HPCAL1: variants seen among roughly 807,000 people sequenced by gnomAD.
HPCAL1 encodes the protein hippocalcin like 1.
In HPCAL1, 8 loss-of-function variants were observed where a neutral mutation model predicts 17.1. That is an observed-to-expected ratio of 0.47 (90% CI 0.27 to 0.84). The LOEUF (loss-of-function observed/expected upper bound fraction) is 0.84, where lower values mean the gene tolerates loss of function less well. HPCAL1 is among the 40% of genes least tolerant of loss of function. The pLI, the probability that HPCAL1 is intolerant of heterozygous loss-of-function variation, is 0.13. For missense variants in HPCAL1, 165 were observed against 271.1 expected (o/e 0.61, Z 2.75); for synonymous variants, 112 against 111.4 (o/e 1.01, Z -0.03).
intron 1 of HPCAL1, among the ~76,000 whole-genome samples, chr2:10,329,080 C>G (rs901160250): frequency 1.3e-5 from 2 of 152,152 alleles, no homozygotes; most frequent in African/African-American, 4.8e-5. Context: ...CCTCCTGCCT[C>G]GGCCTCCCAA....
In HPCAL1 at chr2:10,355,308, G is replaced by A. The variant is rs564300603; in HGVS notation, c.-110-41527G>A. 3.2e-3 allele frequency among the ~76,000 whole-genome samples: 489 copies of A among 151,172 alleles called. 4 individuals carry two copies. The highest frequency in any genetic ancestry group is 0.011 in the African/African-American group (466 of 41,210). On this transcript the variant is annotated intron_variant, in intron 1 of 4. Transcript: ENST00000307845. The stretch of plus-strand genomic sequence containing the variant: ...CTACTAAAAATACAAAAAATTAGCC[G>A]GGCGTAGTGGCGGGCGCCTGTAGTC...
Position 10,310,705 on chromosome 2 carries a change from T to G in HPCAL1, c.-111+7528T>G, listed in dbSNP as rs1662900599. Among the ~76,000 whole-genome samples the G allele has an allele frequency of 6.6e-6, 1 of 152,156 alleles. No individual in the cohort carries two copies. On this transcript the variant is annotated intron_variant, in intron 1 of 4. Coordinates refer to ENST00000307845, the MANE Select transcript of HPCAL1 (RefSeq NM_002149.4). This position sits in a 1 kb window ranked among gnomAD's most constrained non-coding sequence, Gnocchi z 4.5. ...TGGTGGTCCCCTCCCTCTGTGAGTG[T>G]GTGCAGAGCATGGATCGGGTCTGGG...
chr2:10,319,542 C>A lies in HPCAL1; in HGVS notation c.-111+16365C>A, dbSNP rs934620277. Among the ~76,000 whole-genome samples the A allele has an allele frequency of 4.8e-5, 5 of 103,196 alleles. No homozygotes were observed. In the Admixed American group the frequency reaches 7.6e-4, roughly 16 times the overall value. 67.7% of individuals were successfully genotyped at this position (103,196 alleles called of 152,430 possible). On this transcript the variant is annotated intron_variant, in intron 1 of 4. Transcript: ENST00000307845. ...CTCAAACAGCCAGCTGTGTGATCACCTTTTCAGGGGATGATAGGCTGACGG... is the reference window on the plus strand; with the variant it reads ...CTCAAACAGCCAGCTGTGTGATCACATTTTCAGGGGATGATAGGCTGACGG...
chr2:10,393,959 GA>G (rs34916252), intron 1 of HPCAL1, among the ~76,000 whole-genome samples: 20,018 of 129,726 alleles, frequency 0.15, 1,444 homozygotes, highest in Non-Finnish European at 0.17. Flanking sequence ...TACTAAAAAT[GA>G]AAAAAAAAAA....
intron 2 of HPCAL1, among the ~76,000 whole-genome samples, chr2:10,410,436 C>CTTTTTTTTTTTTTTTTTTTTTTTT (rs36002921): frequency 2.6e-5 from 2 of 77,496 alleles, no homozygotes; most frequent in African/African-American, 5.0e-5. Flanking sequence ...TCTTCTTCTT[C>CTTTTTTTTTTTTTTTTTTTTTTTT]TTTTTTTTTT....
intron 1 of HPCAL1, among the ~76,000 whole-genome samples, chr2:10,316,477 G>T (rs1663319910): frequency 6.6e-6 from 1 of 152,104 alleles, no homozygotes; most frequent in African/African-American, 2.4e-5. Flanking sequence ...TTTGCTGGCT[G>T]GTAAGCAGGG....
Position 10,363,143 on chromosome 2 carries a change from C to T in HPCAL1, c.-110-33692C>T, listed in dbSNP as rs914406822. Among the ~76,000 whole-genome samples the T allele has an allele frequency of 6.6e-6, 1 of 152,108 alleles. No homozygotes were observed. The highest frequency in any genetic ancestry group is 1.5e-5 in the Non-Finnish European group (1 of 68,016). On this transcript the variant is annotated intron_variant, in intron 1 of 4. Coordinates refer to ENST00000307845, the MANE Select transcript of HPCAL1 (RefSeq NM_002149.4). This position sits in a 1 kb window ranked among gnomAD's most constrained non-coding sequence, Gnocchi z 4.7. ...CTCAAAAAGTAAATAAAAAATAAAA[C>T]CCATTCTCACTCTAACCCATGCTGT...
rs1665236219 is a variant in HPCAL1, at chr2:10,343,753, G to A, written c.-111+40576G>A. On this transcript the variant is annotated intron_variant, in intron 1 of 4. Coordinates refer to ENST00000307845, the MANE Select transcript of HPCAL1 (RefSeq NM_002149.4). The surrounding 1 kb of genome is among the most constrained non-coding windows in gnomAD (Gnocchi z 4.8). ...AGGGACTTTTAGATCAGTGGCAGAT[G>A]GCATAGAAAGTCTTTCTGCTGTTCT... Among the ~76,000 whole-genome samples, 1 of 152,226 alleles carries A rather than the reference G, an allele frequency of 6.6e-6. No individual in the cohort carries two copies. Among genetic ancestry groups the A allele is most frequent in the Admixed American group, 6.5e-5 (1 of 15,278 alleles).
chr2:10,415,891 G>T (rs2148015836), intron 2 of HPCAL1, among the ~76,000 whole-genome samples: 1 of 152,324 alleles, frequency 6.6e-6, no homozygotes, highest in East Asian at 1.9e-4. Context: ...GAGCTCCATG[G>T]GCTCTGCGTG....
At chr2:10,338,871 A>G (rs1664890033) in intron 1 of HPCAL1, among the ~76,000 whole-genome samples, 1 of 152,184 alleles carries the variant, frequency 6.6e-6, no homozygotes. Context: ...CATTAATTTG[A>G]TAATCACATG....
At chr2:10,396,670 C>T (rs1203270837) in intron 1 of HPCAL1, among the ~76,000 whole-genome samples, 165 bp from the exon 2 acceptor site, 2 of 152,206 alleles carry the variant, frequency 1.3e-5, no homozygotes, top group African/African-American at 4.8e-5. Flanking sequence ...TGCCCCTGTC[C>T]ATGGTGGCTG....
chr2:10,312,104 C>T (rs1434076886), intron 1 of HPCAL1, among the ~76,000 whole-genome samples: 1 of 151,604 alleles, frequency 6.6e-6, no homozygotes, highest in Non-Finnish European at 1.5e-5. Flanking sequence ...TCTCCATCAC[C>T]ATCATCACTA....
At chr2:10,337,057 C>A (rs1664767169) in intron 1 of HPCAL1, among the ~76,000 whole-genome samples, 1 of 152,106 alleles carries the variant, frequency 6.6e-6, no homozygotes, top group Non-Finnish European at 1.5e-5. Context: ...CCGGCAGGAA[C>A]AATATACCTC....
chr2:10,349,080 G>A (rs1665659606), intron 1 of HPCAL1, among the ~76,000 whole-genome samples: 1 of 152,056 alleles, frequency 6.6e-6, no homozygotes, highest in Non-Finnish European at 1.5e-5. Context: ...TATCTTTGTG[G>A]CACAGGGGCA....
intron 2 of HPCAL1, among the ~76,000 whole-genome samples, chr2:10,407,650 C>T (rs1670054432): frequency 6.6e-6 from 1 of 152,048 alleles, no homozygotes; most frequent in Non-Finnish European, 1.5e-5. Flanking sequence ...TGAGGTGGGT[C>T]CTTGGAGGAG....
At chr2:10,364,799 G>C (rs761174112) in intron 1 of HPCAL1, among the ~76,000 whole-genome samples, 10 of 152,080 alleles carry the variant, frequency 6.6e-5, no homozygotes, top group Non-Finnish European at 1.2e-4. Flanking sequence ...TGCCCAGGCT[G>C]GTCTTGAACT....
rs1666048930 is a variant in HPCAL1, at chr2:10,354,970, G to A, written c.-110-41865G>A. Among the ~76,000 whole-genome samples, 1 of 152,248 alleles carries A rather than the reference G, an allele frequency of 6.6e-6. No individual in the cohort carries two copies. The highest frequency in any genetic ancestry group is 2.4e-5 in the African/African-American group (1 of 41,466). On this transcript the variant is annotated intron_variant, in intron 1 of 4. Transcript: ENST00000307845. The surrounding 1 kb of genome is among the most constrained non-coding windows in gnomAD (Gnocchi z 5.1). ...CAGGCACTGTGTTAGGTGCTGCAGAGATGAAGATGAGGAGGATGATGGCCT... is the reference window on the plus strand; with the variant it reads ...CAGGCACTGTGTTAGGTGCTGCAGAAATGAAGATGAGGAGGATGATGGCCT...
Position 10,419,612 on chromosome 2 carries a change from A to G in HPCAL1, c.-24-122A>G, listed in dbSNP as rs1670904495. The G allele has an allele frequency of 1.2e-6, 1 of 824,508 alleles. No homozygotes were observed. Among genetic ancestry groups the G allele is most frequent in the Non-Finnish European group, 1.8e-6 (1 of 546,204 alleles). 51.1% of individuals were successfully genotyped at this position (824,508 alleles called of 1,614,324 possible). On this transcript the variant is annotated intron_variant, in intron 2 of 4. Transcript: ENST00000307845. This position sits in a 1 kb window ranked among gnomAD's most constrained non-coding sequence, Gnocchi z 5.0. Reference sequence around the variant, plus strand: ...ATAGCGGCATGCCTTCCGATGGGGGACCCGGGAGTTGCTGAGTCGCAGCGC... The same window carrying G: ...ATAGCGGCATGCCTTCCGATGGGGGGCCCGGGAGTTGCTGAGTCGCAGCGC...
intron 1 of HPCAL1, among the ~76,000 whole-genome samples, chr2:10,332,055 T>G (rs1178845336): frequency 6.6e-6 from 1 of 151,990 alleles, no homozygotes; most frequent in Admixed American, 6.5e-5. Context: ...TTGTCATTTA[T>G]GAGCCCTGTG....
Sources: gnomAD v4.1 joint callset for allele counts (sites outside exome capture counted in the v4.1 genomes callset) on GRCh38, gnomAD v4.1.1 for gene constraint, Gnocchi (gnomAD v3.1) non-coding constraint, MANE v1.5 for transcripts, NCBI Gene and HGNC (gene_info 2026-07-23, HGNC 2026-07-21) for gene names.